Variants in DDI2 observed in about 807,000 individuals in gnomAD.
DDI2 encodes DDI proteasomal shuttling factor 2.
In DDI2, 5 loss-of-function variants were observed where a neutral mutation model predicts 48.1. The observed-to-expected ratio is 0.10, with a 90% CI of 0.05 to 0.22. The LOEUF is 0.22. DDI2 is among the 10% of genes least tolerant of loss of function. The probability of loss-of-function intolerance (pLI) is 1.00; values close to 1 mark genes in which losing one functional copy is unlikely to be tolerated. For synonymous variants in DDI2, 205 were observed against 183.6 expected (o/e 1.12, Z -0.94); for missense variants, 285 against 506.2 (o/e 0.56, Z 4.19).
At chr1:15,632,783 A>G (rs1639865442) in intron 3 of DDI2, among the ~76,000 whole-genome samples, 1 of 152,100 alleles carries the variant, frequency 6.6e-6, no homozygotes, top group Non-Finnish European at 1.5e-5. Context: ...AATGAGAACA[A>G]TGAGGAATGG....
chr1:15,629,883 G>A (rs1435792367), intron 2 of DDI2, among the ~76,000 whole-genome samples: 3 of 151,754 alleles, frequency 2.0e-5, no homozygotes, highest in South Asian at 2.1e-4. Flanking sequence ...AGGTGACTGC[G>A]ACCACGCCCA....
At chr1:15,654,213 C>T (rs1370656493) in intron 8 of DDI2, among the ~76,000 whole-genome samples, 1 of 152,170 alleles carries the variant, frequency 6.6e-6, no homozygotes, top group Admixed American at 6.5e-5. Flanking sequence ...TAAAAACAGC[C>T]AGGCAGCTTT....
At chr1:15,655,571 G>A (rs1019936596) in intron 8 of DDI2, among the ~76,000 whole-genome samples, 6 of 151,966 alleles carry the variant, frequency 3.9e-5, no homozygotes, top group African/African-American at 1.5e-4. Context: ...TGGCCAACAT[G>A]GTGAAACCTC....
intron 6 of DDI2, among the ~76,000 whole-genome samples, chr1:15,644,287 G>T (rs1210488034): frequency 6.6e-6 from 1 of 152,142 alleles, no homozygotes; most frequent in Admixed American, 6.5e-5. Context: ...CTTCTGTCTT[G>T]TGTTGGATTA....
rs1640461864 is a variant in DDI2 at position 15,666,911 on chromosome 1, T to TA, written c.*7126dup. The TA allele has an allele frequency of 6.6e-6, 1 of 152,226 alleles. No individual in the cohort carries two copies. The highest frequency in any genetic ancestry group is 2.4e-5 in the African/African-American group (1 of 41,448). The allele number at this position is 152,226 out of a possible 1,614,324, so 9.4% of individuals were successfully genotyped here. On this transcript the variant is annotated 3_prime_UTR_variant, in exon 10 of 10. Transcript: ENST00000480945. ...ATGCTGTGGGCCTAAAACAGCTCTTTAAAAATCTATTTTTTTAGGCCAGGT... is the reference window on the plus strand; with the variant it reads ...ATGCTGTGGGCCTAAAACAGCTCTTTAAAAAATCTATTTTTTTAGGCCAGGT...
At chr1:15,644,589 T>G (rs1413318477) in intron 6 of DDI2, among the ~76,000 whole-genome samples, 2 of 113,790 alleles carry the variant, frequency 1.8e-5, no homozygotes, top group South Asian at 5.6e-4. Context: ...TTTTTTTTGT[T>G]TTTTTTTTTT....
rs762405004 is a variant in DDI2 at position 15,660,949 on chromosome 1, G to C, written c.*1159G>C. The C allele has an allele frequency of 6.2e-7, 1 of 1,613,258 alleles. No homozygotes were observed. Among genetic ancestry groups the C allele is most frequent in the South Asian group, 1.1e-5 (1 of 90,922 alleles). On this transcript the variant is annotated 3_prime_UTR_variant, in exon 10 of 10. Transcript: ENST00000480945. The stretch of plus-strand genomic sequence containing the variant: ...AACGGCAGCCTTGAAAGAACTTCAT[G>C]AACTTTTGGTTGTTAGCAGTAAACC...
chr1:15,654,657 CAAAA>C (rs201383199), intron 8 of DDI2, among the ~76,000 whole-genome samples: 4 of 108,796 alleles, frequency 3.7e-5, no homozygotes, highest in Non-Finnish European at 6.0e-5. Context: ...ATCCTGTGTC[CAAAA>C]AAAAAAAAAA....
chr1:15,646,965 A>C (rs1640102056), intron 6 of DDI2, among the ~76,000 whole-genome samples: 1 of 152,128 alleles, frequency 6.6e-6, no homozygotes, highest in African/African-American at 2.4e-5. Context: ...TTTTCTGTGC[A>C]CTTTTTTATC....
intron 4 of DDI2, among the ~76,000 whole-genome samples, chr1:15,637,306 AG>A (rs1231016698): frequency 6.6e-6 from 1 of 151,876 alleles, no homozygotes; most frequent in Non-Finnish European, 1.5e-5. Context: ...CCTGAGCTCA[AG>A]GGATCCACCT....
intron 3 of DDI2, among the ~76,000 whole-genome samples, chr1:15,631,635 A>G (rs371158555): frequency 5.9e-5 from 9 of 152,154 alleles, no homozygotes; most frequent in African/African-American, 1.4e-4. Context: ...TGTAACCCCA[A>G]TCAAGACACA....
intron 1 of DDI2, among the ~76,000 whole-genome samples, chr1:15,623,387 C>CTTCTTTTTTTTTT (rs1553152999): frequency 4.7e-5 from 5 of 107,516 alleles, no homozygotes; most frequent in African/African-American, 1.9e-4. Flanking sequence ...TTTTCTTCTT[C>CTTCTTTTTTTTTT]TTTTTTTTTT....
At chr1:15,642,516 A>G (rs1296105445) in intron 5 of DDI2, among the ~76,000 whole-genome samples, 1 of 152,190 alleles carries the variant, frequency 6.6e-6, no homozygotes, top group Non-Finnish European at 1.5e-5. Context: ...GGATATTGCT[A>G]TGTTGCCCAA....
chr1:15,627,942 AAAGAAGTTAAAACTTCTTTCTG>A (rs750805438), intron 2 of DDI2, among the ~76,000 whole-genome samples: 10 of 152,218 alleles, frequency 6.6e-5, no homozygotes, highest in Non-Finnish European at 1.3e-4. Context: ...TAAACTTTAG[AAAGAAGTTAAAACTTCTTTCTG>A]AAGAAGTTAA....
Position 15,660,750 on chromosome 1 carries a change from T to C in DDI2, c.*960T>C. 3 of 1,613,878 alleles carry C rather than the reference T, an allele frequency of 1.9e-6. No homozygotes were observed. The South Asian group carries it at 3.3e-5, about 18-fold the overall frequency. On this transcript the variant is annotated 3_prime_UTR_variant, in exon 10 of 10. Coordinates refer to ENST00000480945, the MANE Select transcript of DDI2 (RefSeq NM_032341.5). ...TGATGGAAGTAGAAACATCAAAATG[T>C]AACCCTTCATCTGAAATTTTGAATG...
chr1:15,660,659 C>T lies in DDI2; in HGVS notation c.*869C>T, dbSNP rs775726411. 3 of 1,614,070 alleles carry T rather than the reference C, an allele frequency of 1.9e-6. No individual in the cohort carries two copies. In the African/African-American group the frequency reaches 4.0e-5, roughly 22 times the overall value. On this transcript the variant is annotated 3_prime_UTR_variant, in exon 10 of 10. Transcript: ENST00000480945. ...CAGTCCCTAGTTACTTTGCTTAATT[C>T]AACAGGCAGGCAGAATGCCAATGTC...
Position 15,632,946 on chromosome 1 carries a change from A to G in DDI2, c.506-493A>G, listed in dbSNP as rs1201912258. On this transcript the variant is annotated intron_variant, in intron 3 of 9. Coordinates refer to ENST00000480945, the MANE Select transcript of DDI2 (RefSeq NM_032341.5). ...TTTTTTTTTTTAAAAAAAAAAAAAC[A>G]GGGTCTCACCATGTCACCCAGGCTG... Among the ~76,000 whole-genome samples, 1,063 of 120,172 alleles carry G rather than the reference A, an allele frequency of 8.8e-3. 15 individuals carry two copies. Among genetic ancestry groups the G allele is most frequent in the African/African-American group, 0.034 (967 of 28,594 alleles). 78.8% of individuals were successfully genotyped at this position (120,172 alleles called of 152,430 possible).
rs1480674033 is a variant in DDI2 at position 15,644,581 on chromosome 1, TTTTTTG to T, written c.889+937_889+942del. ...GAAAGTTTTCTTTTTCTTTTCAGTT[TTTTTTG>T]TTTTTTTTTTTTTTTTTTTTTTTTG... On this transcript the variant is annotated intron_variant, in intron 6 of 9. Coordinates refer to ENST00000480945, the MANE Select transcript of DDI2 (RefSeq NM_032341.5). 3.0e-4 allele frequency among the ~76,000 whole-genome samples: 37 copies of T among 122,606 alleles called. 1 individual carries two copies. The highest frequency in any genetic ancestry group is 1.1e-3 in the African/African-American group (33 of 29,790). 80.4% of individuals were successfully genotyped at this position (122,606 alleles called of 152,430 possible).
At chr1:15,620,819 A>C (rs1478055160) in intron 1 of DDI2, among the ~76,000 whole-genome samples, 1 of 152,220 alleles carries the variant, frequency 6.6e-6, no homozygotes, top group Non-Finnish European at 1.5e-5. Context: ...TACACACACA[A>C]AATGGAGCTT....
Sources: gnomAD v4.1 joint callset for allele counts (sites outside exome capture counted in the v4.1 genomes callset) on GRCh38, gnomAD v4.1.1 for gene constraint, MANE v1.5 for transcripts, NCBI Gene and HGNC (gene_info 2026-07-23, HGNC 2026-07-21) for gene names.